Variants in SBF2 observed in about 807,000 individuals in gnomAD.
SBF2 encodes the protein SET binding factor 2, also known as myotubularin-related protein 13.
SBF2 carries 112 observed loss-of-function variants against 225.2 expected under a neutral mutation model. The ratio of observed to expected loss-of-function variants is 0.50; its 90% CI spans 0.43 to 0.58. SBF2 has a LOEUF of 0.58. Ranked by LOEUF, SBF2 falls within the 20% of genes least tolerant of loss-of-function variation. The probability of loss-of-function intolerance (pLI) is 0.00; values close to 1 mark genes in which losing one functional copy is unlikely to be tolerated. For missense variants in SBF2, 1,996 were observed against 2,206.2 expected (o/e 0.90, Z 1.91); for synonymous variants, 763 against 773.3 (o/e 0.99, Z 0.22).
chr11:9,832,877 T>C (rs1855483644), intron 26 of SBF2, among the ~76,000 whole-genome samples: 1 of 152,380 alleles, frequency 6.6e-6, no homozygotes, highest in Admixed American at 6.5e-5. Flanking sequence ...TTCACTGATA[T>C]TGCAGACTTC....
intron 7 of SBF2, 36 bp from the exon 8 acceptor site, chr11:10,001,058 T>C: frequency 9.0e-7 from 1 of 1,109,672 alleles, no homozygotes; most frequent in Non-Finnish European, 1.4e-6. Context: ...AATATATTTT[T>C]CTTTAACATA....
intron 13 of SBF2, among the ~76,000 whole-genome samples, chr11:9,981,749 T>G (rs770445518): frequency 6.6e-6 from 1 of 152,232 alleles, no homozygotes. Context: ...AAAGTATATG[T>G]TAGAACCACA....
intron 16 of SBF2, among the ~76,000 whole-genome samples, chr11:9,920,300 G>A (rs938644845): frequency 4.6e-5 from 7 of 151,700 alleles, no homozygotes; most frequent in African/African-American, 9.7e-5. Context: ...TTGGGAAGGG[G>A]GAAGAATTTA....
Position 10,012,430 on chromosome 11 carries a change from C to T in SBF2, c.620-9741G>A, listed in dbSNP as rs550840424. ...GTACTGGGATTACAGGTATGAGCCA[C>T]GATGCCTGGCCTGTTTCAGTTATCA... On this transcript the variant is annotated intron_variant, in intron 6 of 39. Transcript: ENST00000256190. Among the ~76,000 whole-genome samples the T allele has an allele frequency of 2.6e-5, 4 of 152,322 alleles. No individual in the cohort carries two copies. The South Asian group carries it at 6.2e-4, about 24-fold the overall frequency.
At chr11:9,969,999 C>A (rs1332795740) in intron 13 of SBF2, among the ~76,000 whole-genome samples, 2 of 152,086 alleles carry the variant, frequency 1.3e-5, no homozygotes, top group African/African-American at 2.4e-5. Context: ...TTGGCATGAA[C>A]TTTTTAGTCA....
intron 2 of SBF2, among the ~76,000 whole-genome samples, chr11:10,044,811 T>C (rs1949790260): frequency 6.6e-6 from 1 of 152,244 alleles, no homozygotes; most frequent in African/African-American, 2.4e-5. Flanking sequence ...TTGCGAATTG[T>C]GCATCTACCC....
At position 10,193,969 on chromosome 11, in the gene SBF2, C is replaced by G. The variant is rs1458850617; in HGVS notation, c.74G>C (p.Gly25Ala). 2 of 1,610,882 alleles carry G rather than the reference C, an allele frequency of 1.2e-6. No individual in the cohort carries two copies. Among genetic ancestry groups the G allele is most frequent in the Non-Finnish European group, 1.7e-6 (2 of 1,177,340 alleles). Residue 25 changes from glycine to alanine, a missense_variant, in exon 2 of 40, where the codon GGG (glycine) becomes GCG (alanine). Transcript: ENST00000256190. ...CTGTGGAAATCTCTGGATTATTTTC[C>G]CCAGACCTTCTCCTGATCCTGTTAA... The part of the protein sequence containing the change: ...HEKPGSGEGL[G>A]KIIQRFPQKD...
intron 17 of SBF2, 125 bp from the exon 18 acceptor site, chr11:9,858,521 G>T: frequency 1.0e-6 from 1 of 995,086 alleles, no homozygotes; most frequent in Non-Finnish European, 1.5e-6. Flanking sequence ...TCGTATGGTA[G>T]TACAGGCTTA....
At chr11:10,015,334 A>G (rs1445832972) in intron 6 of SBF2, among the ~76,000 whole-genome samples, 1 of 152,162 alleles carries the variant, frequency 6.6e-6, no homozygotes, top group Non-Finnish European at 1.5e-5. Flanking sequence ...TGGATGTATT[A>G]GTTTTCTATG....
intron 2 of SBF2, among the ~76,000 whole-genome samples, chr11:10,127,629 T>C (rs1048557264): frequency 3.9e-5 from 6 of 152,208 alleles, no homozygotes; most frequent in Non-Finnish European, 8.8e-5. Context: ...GTATGTCATT[T>C]GACTACACTT....
At chr11:9,855,228 G>GT (rs1857231848) in intron 19 of SBF2, among the ~76,000 whole-genome samples, 1 of 152,176 alleles carries the variant, frequency 6.6e-6, no homozygotes, top group Non-Finnish European at 1.5e-5. Context: ...ATGGGTGGGG[G>GT]TAAGAGATCT....
At chr11:9,803,968 C>G (rs1853640052) in intron 32 of SBF2, among the ~76,000 whole-genome samples, 1 of 152,136 alleles carries the variant, frequency 6.6e-6, no homozygotes, top group African/African-American at 2.4e-5. Context: ...CAGAAAGGCT[C>G]AGGGCACAGA....
intron 1 of SBF2, 45 bp downstream of exon 1, chr11:10,293,970 C>CG (rs1964347126): frequency 7.1e-6 from 9 of 1,274,876 alleles, no homozygotes; most frequent in Admixed American, 7.6e-5. Context: ...GGACAGCGGC[C>CG]GGGGGGCGGG....
intron 17 of SBF2, among the ~76,000 whole-genome samples, chr11:9,882,619 T>G (rs190892831): frequency 1.3e-5 from 2 of 152,022 alleles, no homozygotes; most frequent in South Asian, 2.1e-4. Flanking sequence ...CCATCCTGGC[T>G]AACACGGTGA....
chr11:10,193,171 A>G (rs935356215), intron 2 of SBF2, among the ~76,000 whole-genome samples: 11 of 152,034 alleles, frequency 7.2e-5, no homozygotes, highest in Admixed American at 1.3e-4. Context: ...CATTAAATGA[A>G]CTTTTGGTTT....
chr11:10,217,413 C>T (rs1283711067), intron 1 of SBF2, among the ~76,000 whole-genome samples: 1 of 151,970 alleles, frequency 6.6e-6, no homozygotes, highest in East Asian at 1.9e-4. Context: ...TTACAAAAAA[C>T]AAAAACAAAA....
At chr11:9,829,700 C>T (rs1224135636) in intron 27 of SBF2, 1 of 544,984 alleles carries the variant, frequency 1.8e-6, no homozygotes, top group African/African-American at 1.9e-5. Context: ...GCTGGTTTTA[C>T]CACACCTACT....
chr11:10,186,776 C>G (rs1041566562), intron 2 of SBF2, among the ~76,000 whole-genome samples: 2 of 152,186 alleles, frequency 1.3e-5, no homozygotes, highest in Non-Finnish European at 2.9e-5. Context: ...TAGGGCCTCT[C>G]AACCCAAGAG....
chr11:9,814,142 C>A (rs1341743939), intron 29 of SBF2, among the ~76,000 whole-genome samples: 1 of 152,162 alleles, frequency 6.6e-6, no homozygotes. Context: ...TGATGGCCTA[C>A]TGGTATATTT....
Sources: gnomAD v4.1 joint callset for allele counts (sites outside exome capture counted in the v4.1 genomes callset) on GRCh38, gnomAD v4.1.1 for gene constraint, MANE v1.5 for transcripts, NCBI Gene and HGNC (gene_info 2026-07-23, HGNC 2026-07-21) for gene names.